The following TAPBPL variants were observed in gnomAD, a reference collection of about 807,000 sequenced individuals.
TAPBPL encodes tapasin-related protein.
A neutral mutation model predicts 44.8 loss-of-function variants in TAPBPL; 32 were observed. That is an observed-to-expected ratio of 0.71 (90% CI 0.54 to 0.96). The LOEUF (loss-of-function observed/expected upper bound fraction) is 0.96. Among genes scored for constraint, TAPBPL ranks in the 40% least tolerant of loss-of-function variants. The probability of loss-of-function intolerance (pLI) is 0.00; values close to 1 mark genes in which losing one functional copy is unlikely to be tolerated. For missense variants in TAPBPL, 520 were observed against 586.6 expected, an observed-to-expected ratio of 0.89 and a Z score of 1.17; for synonymous variants, 230 against 240.7, an observed-to-expected ratio of 0.96 and a Z score of 0.41.
downstream of TAPBPL, chr12:6,465,896 T>C (rs780312955): frequency 3.1e-6 from 5 of 1,614,132 alleles, no homozygotes; most frequent in South Asian, 1.1e-5. Context: ...TGCTCTCAAA[T>C]TGTGATGCTC....
downstream of TAPBPL, among the ~76,000 whole-genome samples, chr12:6,465,507 G>C (rs1394566243): frequency 6.9e-6 from 1 of 145,454 alleles, no homozygotes; most frequent in Non-Finnish European, 1.5e-5. Flanking sequence ...ATATATGCCT[G>C]AGCCATTGTG....
intron 6 of TAPBPL, 69 bp downstream of exon 6, chr12:6,461,007 G>T (rs1244358771): frequency 7.5e-6 from 12 of 1,600,886 alleles, no homozygotes; most frequent in Non-Finnish European, 1.0e-5. Flanking sequence ...CCCCCGCCCA[G>T]ACCAGGGTGG....
intron 3 of TAPBPL, among the ~76,000 whole-genome samples, chr12:6,456,989 C>G (rs1422861167): frequency 3.3e-5 from 5 of 152,242 alleles, no homozygotes; most frequent in Non-Finnish European, 7.3e-5. Context: ...CTAGTCTTCA[C>G]AGCATCCTTG....
intron 6 of TAPBPL, chr12:6,461,148 T>A: frequency 7.2e-7 from 1 of 1,388,734 alleles, no homozygotes; most frequent in Non-Finnish European, 9.3e-7. Flanking sequence ...TCTGTCACTC[T>A]CCTGCCTCAG....
chr12:6,455,076 C>CA (rs1949667532), intron 3 of TAPBPL, among the ~76,000 whole-genome samples: 1 of 151,894 alleles, frequency 6.6e-6, no homozygotes, highest in Non-Finnish European at 1.5e-5. Flanking sequence ...TCCAAACCTA[C>CA]AAAAAAAGGT....
chr12:6,462,423 A>C, downstream of TAPBPL: 1 of 495,232 alleles, frequency 2.0e-6, no homozygotes, highest in East Asian at 3.2e-5. Context: ...GTCTCATGGC[A>C]AACCGAAGAA....
At chr12:6,470,379 TG>T (rs1243200778), downstream of TAPBPL, 6 of 1,191,792 alleles carry the variant, frequency 5.0e-6, no homozygotes, top group Non-Finnish European at 7.3e-6. Context: ...CCCCCCTCCC[TG>T]GGGGTGGCCC....
downstream of TAPBPL, chr12:6,466,378 C>A: frequency 6.3e-7 from 1 of 1,594,496 alleles, no homozygotes; most frequent in Non-Finnish European, 8.5e-7. Context: ...GCAGAGTACA[C>A]AAAGTGACCA....
downstream of TAPBPL, chr12:6,463,396 C>A: frequency 9.4e-7 from 1 of 1,064,052 alleles, no homozygotes; most frequent in Non-Finnish European, 1.1e-6. This position sits in a 1 kb window ranked among gnomAD's most constrained non-coding sequence, Gnocchi z 4.0. Context: ...GGAAGAACCA[C>A]TTGCCTCATC....
At chr12:6,461,453 A>G (rs1949857153) in intron 6 of TAPBPL, 1 of 999,380 alleles carries the variant, frequency 1.0e-6, no homozygotes, top group Middle Eastern at 5.2e-4. Flanking sequence ...AGTGAGGGAC[A>G]ATGAGGCATG....
chr12:6,467,179 C>G (rs980659038), downstream of TAPBPL: 1 of 162,838 alleles, frequency 6.1e-6, no homozygotes, highest in Admixed American at 6.5e-5. Context: ...CAGACTAATA[C>G]AGTAAATTGG....
downstream of TAPBPL, chr12:6,465,316 T>C (rs1949975471): frequency 2.8e-6 from 1 of 356,998 alleles, no homozygotes; most frequent in Non-Finnish European, 5.4e-6. Context: ...TAAAAATATA[T>C]ATTTCAATCT....
chr12:6,469,475 G>A (rs1485386947), downstream of TAPBPL, among the ~76,000 whole-genome samples: 1 of 152,166 alleles, frequency 6.6e-6, no homozygotes, highest in Non-Finnish European at 1.5e-5. Flanking sequence ...CTCATATCTG[G>A]TTAAAACCAT....
chr12:6,462,442 G>A (rs1162212493), downstream of TAPBPL: 7 of 492,528 alleles, frequency 1.4e-5, no homozygotes, highest in Non-Finnish European at 2.2e-5. Flanking sequence ...AACGGGATGT[G>A]GGAAGCTCAG....
At chr12:6,470,917 G>A (rs1945761927), downstream of TAPBPL, 1 of 283,354 alleles carries the variant, frequency 3.5e-6, no homozygotes, top group Non-Finnish European at 6.9e-6. Flanking sequence ...TCTGGCGGAG[G>A]GACGGGGCGG....
rs562259413 is a variant in TAPBPL at position 6,458,625 on chromosome 12, A to G, written c.905-20A>G. On this transcript the variant is annotated intron_variant, in intron 4 of 6. Coordinates refer to ENST00000266556, the MANE Select transcript of TAPBPL (RefSeq NM_018009.5). ...CCCAGTTAGATCCATGTGTAATCTT[A>G]TTCCTCATTCTTTCTCCAGCTTCCC... 2 of 1,611,132 alleles carry G rather than the reference A, an allele frequency of 1.2e-6. No individual in the cohort carries two copies. Among genetic ancestry groups the G allele is most frequent in the African/African-American group, 1.3e-5 (1 of 74,944 alleles).
intron 5 of TAPBPL, 110 bp downstream of exon 5, chr12:6,459,057 T>C (rs1475325725): frequency 1.6e-6 from 2 of 1,263,842 alleles, no homozygotes; most frequent in African/African-American, 1.5e-5. Context: ...TTCGCAGCCC[T>C]GGCTTCATGC....
chr12:6,461,064 T>C (rs1053338808), intron 6 of TAPBPL, 126 bp downstream of exon 6: 3 of 1,501,742 alleles, frequency 2.0e-6, no homozygotes, highest in Non-Finnish European at 2.7e-6. Flanking sequence ...CACAGCCTCC[T>C]GCTTTTGAGT....
At chr12:6,465,429 A>T (rs11064209), downstream of TAPBPL, 25 of 103,306 alleles carry the variant, frequency 2.4e-4, no homozygotes, top group East Asian at 3.3e-4. Flanking sequence ...TATATATATA[A>T]ATGTATATAT....
Sources: allele counts gnomAD v4.1 joint callset (sites outside exome capture counted in the v4.1 genomes callset), GRCh38; gene constraint gnomAD v4.1.1; non-coding constraint Gnocchi (gnomAD v3.1); transcripts MANE v1.5; gene names NCBI Gene and HGNC (gene_info 2026-07-23, HGNC 2026-07-21).